TMEM260: variants seen among roughly 807,000 people sequenced by gnomAD.
The protein encoded by TMEM260 is transmembrane protein 260, also known as protein O-mannosyl-transferase TMEM260.
A neutral mutation model predicts 88.9 loss-of-function variants in TMEM260; 82 were observed. The observed-to-expected ratio is 0.92, with a 90% CI of 0.77 to 1.11. The LOEUF (loss-of-function observed/expected upper bound fraction) is 1.11, where lower values mean the gene tolerates loss of function less well. TMEM260 is among the 50% of genes least tolerant of loss of function. The pLI is 0.00. For missense variants in TMEM260, 902 were observed against 853.4 expected, an observed-to-expected ratio of 1.06 and a Z score of -0.71; for synonymous variants, 314 against 309.3, an observed-to-expected ratio of 1.02 and a Z score of -0.16.
chr14:56,642,540 C>G (rs1275640657), intron 15 of TMEM260, among the ~76,000 whole-genome samples: 1 of 151,972 alleles, frequency 6.6e-6, no homozygotes, highest in Non-Finnish European at 1.5e-5. Flanking sequence ...GCACTAAATA[C>G]CCACAAGAGA....
chr14:56,600,441 CAT>C (rs1886506499), intron 3 of TMEM260, among the ~76,000 whole-genome samples: 2 of 152,140 alleles, frequency 1.3e-5, no homozygotes, highest in South Asian at 2.1e-4. Context: ...CGAAAAGAAA[CAT>C]AGTAAAATGA....
At chr14:56,591,107 T>G (rs1463343803) in intron 3 of TMEM260, among the ~76,000 whole-genome samples, 2 of 152,252 alleles carry the variant, frequency 1.3e-5, no homozygotes, top group East Asian at 3.8e-4. Flanking sequence ...TTTCCTCAAT[T>G]ACAAAAACTT....
chr14:56,592,493 A>G (rs886903039), intron 3 of TMEM260, among the ~76,000 whole-genome samples: 21 of 152,194 alleles, frequency 1.4e-4, no homozygotes, highest in African/African-American at 4.8e-4. Context: ...GAGGCTTAGC[A>G]GAACTTAGGT....
chr14:56,588,999 A>G (rs1251394535), intron 3 of TMEM260, among the ~76,000 whole-genome samples: 2 of 152,098 alleles, frequency 1.3e-5, no homozygotes, highest in Non-Finnish European at 2.9e-5. Flanking sequence ...GGTAATATAA[A>G]TCATTAACAT....
intron 7 of TMEM260, 25 bp downstream of exon 7, chr14:56,612,310 C>T (rs1488038590): frequency 6.3e-7 from 1 of 1,584,954 alleles, no homozygotes; most frequent in Non-Finnish European, 8.7e-7. Context: ...TTTGAAACTA[C>T]TTTAAAATGA....
At chr14:56,626,289 G>A (rs913279031) in intron 12 of TMEM260, among the ~76,000 whole-genome samples, 7 of 152,214 alleles carry the variant, frequency 4.6e-5, no homozygotes, top group Admixed American at 4.6e-4. Flanking sequence ...TGGAGTAAAC[G>A]ACAGTAATGG....
chr14:56,616,504 A>G (rs903006155), intron 8 of TMEM260, among the ~76,000 whole-genome samples: 2 of 152,038 alleles, frequency 1.3e-5, no homozygotes, highest in African/African-American at 4.8e-5. Context: ...TGACACAAAC[A>G]TTGTGAACAT....
chr14:56,637,444 C>G (rs535488331), intron 15 of TMEM260, among the ~76,000 whole-genome samples: 1 of 152,166 alleles, frequency 6.6e-6, no homozygotes, highest in Admixed American at 6.5e-5. Context: ...TTGCACAAAT[C>G]GGTCCTTTCT....
At chr14:56,659,420 T>TAAGGCCA in the TMEM260 span, among the ~76,000 whole-genome samples, 1 of 152,158 alleles carries the variant, frequency 6.6e-6, no homozygotes, top group Non-Finnish European at 1.5e-5. Context: ...ACACAATCCC[T>TAAGGCCA]AAGGCCAAAG....
intron 15 of TMEM260, among the ~76,000 whole-genome samples, chr14:56,642,254 G>A (rs1057431709): frequency 1.3e-5 from 2 of 152,092 alleles, no homozygotes; most frequent in African/African-American, 4.8e-5. Flanking sequence ...CCACATAGTT[G>A]GAAGTAAAGC....
intron 3 of TMEM260, chr14:56,593,301 T>C (rs1885980298): frequency 6.6e-6 from 1 of 152,196 alleles, no homozygotes; most frequent in African/African-American, 2.4e-5. Context: ...AGAATTTCTG[T>C]CATTTGCATG....
rs1217932461 is a variant in TMEM260 at position 56,617,846 on chromosome 14, C to T, written c.1056+549C>T. Among the ~76,000 whole-genome samples the T allele has an allele frequency of 2.0e-5, 3 of 152,182 alleles. No individual in the cohort carries two copies. The East Asian group carries it at 5.8e-4, about 29-fold the overall frequency. ...AGGAAGCCTAATAAATAATACCCTA[C>T]TTGATCACCTGAGTTCTGAATCAAT... is the stretch of plus-strand genomic sequence containing the variant. On this transcript the variant is annotated intron_variant, in intron 9 of 15. Coordinates refer to ENST00000261556, the MANE Select transcript of TMEM260 (RefSeq NM_017799.4).
At position 56,618,668 on chromosome 14, in the gene TMEM260, T is replaced by C. The variant is rs1474311475; in HGVS notation, c.1131T>C (p.Ser377=). ...GCATTGGTTTGGCTGCAGTTGTGTCTGAGACTAACCGAGTGCTGAATAGCA... is the reference window on the plus strand; with the variant it reads ...GCATTGGTTTGGCTGCAGTTGTGTCCGAGACTAACCGAGTGCTGAATAGCA... ...LAGIGLAAVV[S]ETNRVLNSNG... is the part of the protein sequence containing the mutation. The change falls in exon 10 of 16, where the codon TCT becomes TCC. Residue 377 remains serine, a synonymous_variant. Transcript: ENST00000261556. 6.2e-7 allele frequency: 1 copy of C among 1,614,108 alleles called. No individual in the cohort carries two copies. Among genetic ancestry groups the C allele is most frequent in the South Asian group, 1.1e-5 (1 of 91,090 alleles).
rs1171130044 is a variant in TMEM260 at position 56,647,728 on chromosome 14, G to A, written c.*231G>A. The A allele has an allele frequency of 2.6e-5, 13 of 493,610 alleles. No individual in the cohort carries two copies. Among genetic ancestry groups the A allele is most frequent in the Non-Finnish European group, 3.5e-5 (10 of 283,926 alleles). The allele number at this position is 493,610 out of a possible 1,614,324, so 30.6% of individuals were successfully genotyped here. On this transcript the variant is annotated 3_prime_UTR_variant, in exon 16 of 16. Coordinates refer to ENST00000261556, the MANE Select transcript of TMEM260 (RefSeq NM_017799.4). ...TACCAAATTACCATTTCAGTGAGAAGCTTTTGAAAAGTCTTCTGACTTCCA... is the reference window on the plus strand; with the variant it reads ...TACCAAATTACCATTTCAGTGAGAAACTTTTGAAAAGTCTTCTGACTTCCA...
intron 3 of TMEM260, among the ~76,000 whole-genome samples, chr14:56,590,522 C>G (rs1885787050): frequency 6.6e-6 from 1 of 152,180 alleles, no homozygotes; most frequent in Non-Finnish European, 1.5e-5. Flanking sequence ...AGCTCAATCT[C>G]CAATTGGGAG....
intron 3 of TMEM260, among the ~76,000 whole-genome samples, chr14:56,595,262 TAAA>T (rs1295593079): frequency 1.3e-5 from 2 of 152,294 alleles, no homozygotes; most frequent in African/African-American, 4.8e-5. Context: ...TCTGCACAGG[TAAA>T]AAAGCCTTCT....
At chr14:56,603,497 G>A (rs375389520) in intron 3 of TMEM260, among the ~76,000 whole-genome samples, 5 of 152,120 alleles carry the variant, frequency 3.3e-5, no homozygotes, top group African/African-American at 1.2e-4. Flanking sequence ...GCAAGAAAAT[G>A]ACACAGGTTT....
At chr14:56,593,347 C>T (rs1885983923) in intron 3 of TMEM260, 1 of 152,088 alleles carries the variant, frequency 6.6e-6, no homozygotes, top group Admixed American at 6.5e-5. Flanking sequence ...ACTGCCCTTC[C>T]CATACTATCT....
chr14:56,616,476 T>C (rs1478498598), intron 8 of TMEM260, among the ~76,000 whole-genome samples: 1 of 152,046 alleles, frequency 6.6e-6, no homozygotes, highest in Non-Finnish European at 1.5e-5. Flanking sequence ...TGTACATTTA[T>C]CTATAGTTTT....
Sources: allele counts gnomAD v4.1 joint callset (sites outside exome capture counted in the v4.1 genomes callset), GRCh38; gene constraint gnomAD v4.1.1; transcripts MANE v1.5; gene names NCBI Gene and HGNC (gene_info 2026-07-23, HGNC 2026-07-21).